NBPF26: variants seen among roughly 807,000 people sequenced by gnomAD.
The protein encoded by NBPF26 is NBPF family member NBPF26.
A neutral mutation model predicts 119.6 loss-of-function variants in NBPF26; 79 were observed. The observed-to-expected ratio is 0.66, with a 90% CI of 0.55 to 0.80. The LOEUF is 0.80. NBPF26 is among the 30% of genes least tolerant of loss of function. The pLI is 0.00. For synonymous variants in NBPF26, 299 were observed against 457.7 expected (o/e 0.65, Z 4.43); for missense variants, 800 against 1,198.2 (o/e 0.67, Z 4.91).
chr1:120,819,359 G>T, intron 15 of NBPF26, among the ~76,000 whole-genome samples: 1 of 110,030 alleles, frequency 9.1e-6, no homozygotes, highest in Non-Finnish European at 1.7e-5. Flanking sequence ...CCTTTATTTT[G>T]AGCCTATGTG....
chr1:120,820,458 A>G (rs1281141268), intron 15 of NBPF26, among the ~76,000 whole-genome samples: 14 of 17,944 alleles, frequency 7.8e-4, no homozygotes, highest in African/African-American at 2.8e-3. Context: ...ATATATATAT[A>G]TATATATATA....
intron 15 of NBPF26, among the ~76,000 whole-genome samples, chr1:120,818,488 T>C (rs1271358963): frequency 8.0e-6 from 1 of 124,856 alleles, no homozygotes; most frequent in Non-Finnish European, 1.6e-5. Context: ...TCTCCTTTAG[T>C]TCTGCTCTGA....
intron 2 of NBPF26, among the ~76,000 whole-genome samples, chr1:120,764,037 A>T: frequency 1.7e-5 from 2 of 114,338 alleles, no homozygotes; most frequent in East Asian, 4.3e-4. Flanking sequence ...TCACGAGGTC[A>T]GGAGTTCAAG....
rs1334284191 is a variant in NBPF26 at position 120,785,277 on chromosome 1, A to T, written c.415+44A>T. 27 of 1,422,288 alleles carry T rather than the reference A, an allele frequency of 1.9e-5. 9 individuals carry two copies. Among genetic ancestry groups the T allele is most frequent in the Middle Eastern group, 3.6e-4 (2 of 5,622 alleles). The allele number at this position is 1,422,288 out of a possible 1,614,324, so 88.1% of individuals were successfully genotyped here. A position where few individuals can be genotyped will look rare whatever the true frequency, so the allele number is the denominator to read the frequency against. ...GCCAGTGCTTCCCTACCTTCAGCAG[A>T]TACCTTTATTTAGCATCTTTTAGAT... is the stretch of plus-strand genomic sequence containing the variant. On this transcript the variant is annotated intron_variant, in intron 3 of 29. Coordinates refer to ENST00000620612, the Ensembl canonical transcript of NBPF26.
At chr1:120,808,220 T>C (rs2101497270) in intron 6 of NBPF26, among the ~76,000 whole-genome samples, 1 of 119,778 alleles carries the variant, frequency 8.3e-6, no homozygotes, top group South Asian at 2.6e-4. Context: ...TATGTGTATT[T>C]TCACATGGAA....
In NBPF26 at chr1:120,790,198, T is replaced by A. The variant is rs1218075276; in HGVS notation, c.416-2963T>A. Among the ~76,000 whole-genome samples the A allele has an allele frequency of 2.3e-4, 24 of 103,390 alleles. 6 individuals carry two copies. Among genetic ancestry groups the A allele is most frequent in the African/African-American group, 1.5e-3 (23 of 15,770 alleles). The allele number at this position is 103,390 out of a possible 152,430, so 67.8% of individuals were successfully genotyped here. The stretch of plus-strand genomic sequence containing the variant: ...GCCCGGCTAATTTTTGTATTTTTAG[T>A]AGAGATGGGCTTTCACCTTGTTAGC... On this transcript the variant is annotated intron_variant, in intron 3 of 29. Transcript: ENST00000620612.
At chr1:120,840,638 C>T, downstream of NBPF26, 1 of 1,450,348 alleles carries the variant, frequency 6.9e-7, no homozygotes, top group Non-Finnish European at 9.2e-7. Flanking sequence ...CAGGCAGGAC[C>T]TATAGGCACG....
chr1:120,813,216 A>T (rs1312146929), intron 10 of NBPF26, among the ~76,000 whole-genome samples: 6 of 122,798 alleles, frequency 4.9e-5, no homozygotes, highest in African/African-American at 1.3e-4. Flanking sequence ...TGCTGCAGTG[A>T]ATTACATGAG....
At position 120,770,598 on chromosome 1, in the gene NBPF26, G is replaced by A. The variant is rs1287748321; in HGVS notation, c.155+6889G>A. On this transcript the variant is annotated intron_variant, in intron 2 of 29. Coordinates refer to ENST00000620612, the Ensembl canonical transcript of NBPF26. ...ATTGCATATTAGGGTCTGTTCTCAAGTAGTTTAACATGTATTTACTTTAGT... is the reference window on the plus strand; with the variant it reads ...ATTGCATATTAGGGTCTGTTCTCAAATAGTTTAACATGTATTTACTTTAGT... 4.1e-5 allele frequency among the ~76,000 whole-genome samples: 5 copies of A among 120,698 alleles called. 1 individual carries two copies. The South Asian group carries it at 1.2e-3, about 29-fold the overall frequency. 79.2% of individuals were successfully genotyped at this position (120,698 alleles called of 152,430 possible).
rs1174417867 is a variant in NBPF26 at position 120,732,234 on chromosome 1, CT to C, written c.73+7993del. Among the ~76,000 whole-genome samples, 36 of 71,894 alleles carry C rather than the reference CT, an allele frequency of 5.0e-4. 4 individuals carry two copies. The highest frequency in any genetic ancestry group is 8.4e-4 in the Admixed American group (6 of 7,126). 47.2% of individuals were successfully genotyped at this position (71,894 alleles called of 152,430 possible). ...CTTTTTCATCTCTTTTTATTTTCAT[CT>C]TTTTTTTTGTGAGAAGATTCTGTAA... On this transcript the variant is annotated intron_variant, in intron 1 of 29. Coordinates refer to ENST00000620612, the Ensembl canonical transcript of NBPF26.
intron 8 of NBPF26, 83 bp downstream of exon 8, chr1:120,809,966 T>A: frequency 4.0e-6 from 6 of 1,488,952 alleles, no homozygotes; most frequent in Non-Finnish European, 5.5e-6. Context: ...GCATCTATGG[T>A]GGGCCAAAAG....
At chr1:120,807,142 A>C (rs1280689865) in intron 5 of NBPF26, among the ~76,000 whole-genome samples, 2 of 129,680 alleles carry the variant, frequency 1.5e-5, no homozygotes, top group Non-Finnish European at 3.2e-5. Context: ...TGATTTAAAA[A>C]TGAAATATTT....
intron 4 of NBPF26, among the ~76,000 whole-genome samples, chr1:120,803,339 C>T (rs1448648041): frequency 7.5e-6 from 1 of 133,636 alleles, no homozygotes; most frequent in Non-Finnish European, 1.6e-5. Context: ...AGGCAAAAGT[C>T]TTAGTGAGAA....
chr1:120,802,313 G>T lies in NBPF26; in HGVS notation c.752-3243G>T, dbSNP rs1278144792. On this transcript the variant is annotated intron_variant, in intron 4 of 29. Transcript: ENST00000620612. The stretch of plus-strand genomic sequence containing the variant: ...GACTTTCCCAGCTGTTTCTTACTCT[G>T]ATCAACTTGGGGGTAGGACCCATTG... Among the ~76,000 whole-genome samples the T allele has an allele frequency of 2.4e-5, 3 of 126,044 alleles. 1 individual carries two copies. The highest frequency in any genetic ancestry group is 4.9e-5 in the Non-Finnish European group (3 of 61,604). The allele number at this position is 126,044 out of a possible 152,430, so 82.7% of individuals were successfully genotyped here. A position where few individuals can be genotyped will look rare whatever the true frequency, so the allele number is the denominator to read the frequency against.
At chr1:120,727,507 G>A (rs1396409851) in intron 1 of NBPF26, among the ~76,000 whole-genome samples, 10 of 107,754 alleles carry the variant, frequency 9.3e-5, no homozygotes, top group Non-Finnish European at 1.7e-4. Context: ...CATATATTTA[G>A]ATGATATAAT....
chr1:120,806,935 T>A (rs1262502450), intron 5 of NBPF26, among the ~76,000 whole-genome samples: 1 of 124,860 alleles, frequency 8.0e-6, no homozygotes, highest in Non-Finnish European at 1.6e-5. Flanking sequence ...GTGTAAACAC[T>A]ATCTATTCTT....
intron 2 of NBPF26, among the ~76,000 whole-genome samples, chr1:120,778,418 C>G (rs1436737221): frequency 9.0e-6 from 1 of 111,598 alleles, no homozygotes; most frequent in Non-Finnish European, 1.7e-5. Context: ...TAATGAGGAG[C>G]AGCTTCAGTG....
At chr1:120,809,996 A>C in intron 8 of NBPF26, 113 bp downstream of exon 8, 2 of 1,433,630 alleles carry the variant, frequency 1.4e-6, no homozygotes, top group Non-Finnish European at 9.6e-7. Flanking sequence ...CCTTGGCCAC[A>C]GTATGTGAAA....
In NBPF26 at chr1:120,823,502, C is replaced by G; in HGVS notation, c.2639+142C>G. The G allele has an allele frequency of 3.4e-6, 2 of 589,636 alleles. 1 individual carries two copies. Among genetic ancestry groups the G allele is most frequent in the Non-Finnish European group, 5.7e-6 (2 of 348,094 alleles). The allele number at this position is 589,636 out of a possible 1,614,324, so 36.5% of individuals were successfully genotyped here. Reference sequence around the variant, plus strand: ...ATGCCTACTACATTGCTTTTTGGTTCTCATTAGAGTAAATCTTTAGGTTTC... The same window carrying G: ...ATGCCTACTACATTGCTTTTTGGTTGTCATTAGAGTAAATCTTTAGGTTTC... On this transcript the variant is annotated intron_variant, in intron 17 of 29. Transcript: ENST00000620612.
Sources: allele counts gnomAD v4.1 joint callset (sites outside exome capture counted in the v4.1 genomes callset), GRCh38; gene constraint gnomAD v4.1.1; transcripts MANE v1.5; gene names NCBI Gene and HGNC (gene_info 2026-07-23, HGNC 2026-07-21).